The following NDRG1 variants were observed in gnomAD, a reference collection of about 807,000 sequenced individuals.
NDRG1 encodes the protein protein NDRG1.
NDRG1 carries 32 observed loss-of-function variants against 56.9 expected under a neutral mutation model. The ratio of observed to expected loss-of-function variants is 0.56; its 90% CI spans 0.42 to 0.76. The LOEUF is 0.76. Among genes scored for constraint, NDRG1 ranks in the 30% least tolerant of loss-of-function variants. The pLI, the probability that NDRG1 is intolerant of heterozygous loss-of-function variation, is 0.00. For missense variants in NDRG1, 507 were observed against 545.7 expected, an observed-to-expected ratio of 0.93 and a Z score of 0.71; for synonymous variants, 211 against 204.1, an observed-to-expected ratio of 1.03 and a Z score of -0.29.
intron 3 of NDRG1, among the ~76,000 whole-genome samples, chr8:133,266,577 C>T (rs1391827970): frequency 6.6e-6 from 1 of 152,202 alleles, no homozygotes; most frequent in African/African-American, 2.4e-5. Context: ...ATGTAGGCTG[C>T]TCCATCTGTG....
chr8:133,257,333 T>C (rs1435299071), intron 7 of NDRG1, among the ~76,000 whole-genome samples: 1 of 134,850 alleles, frequency 7.4e-6, no homozygotes, highest in African/African-American at 2.7e-5. Context: ...AGAGACAGAG[T>C]TATGCATCGC....
rs1855211711 is a variant in NDRG1, at chr8:133,238,890, C to T, written c.1173G>A (p.Glu391=). Residue 391 remains glutamate (E), a synonymous_variant, in exon 16 of 16, where the codon GAG becomes GAA. Coordinates refer to ENST00000323851, the MANE Select transcript of NDRG1 (RefSeq NM_006096.4). Reference sequence around the variant, plus strand: ...CTGGGCAGGCCGCCTAGCAGGAGACCTCCATGGACTTGGGCCCGGCGCTGT... The same window carrying T: ...CTGGGCAGGCCGCCTAGCAGGAGACTTCCATGGACTTGGGCCCGGCGCTGT... ...AGNSAGPKSM[E]VSC is the part of the protein sequence containing the mutation. The T allele has an allele frequency of 3.2e-6, 5 of 1,555,286 alleles. No homozygotes were observed. The African/African-American group carries it at 5.4e-5, about 17-fold the overall frequency.
chr8:133,295,064 C>T (rs1173250373), intron 1 of NDRG1, among the ~76,000 whole-genome samples: 1 of 152,138 alleles, frequency 6.6e-6, no homozygotes, highest in Non-Finnish European at 1.5e-5. Context: ...TATTCCATTC[C>T]AAATGATCAA....
chr8:133,237,734 G>A lies in NDRG1; in HGVS notation c.*1144C>T, dbSNP rs1250853366. On this transcript the variant is annotated 3_prime_UTR_variant, in exon 16 of 16. Transcript: ENST00000323851. ...AGAGCAAAGAGTTCTGAGGATCCAA[G>A]AACGTGACCGGGTCAGACAGGTTCA... 1 of 160,028 alleles carries A rather than the reference G, an allele frequency of 6.2e-6. No homozygotes were observed. The highest frequency in any genetic ancestry group is 1.0e-4 in the East Asian group (1 of 9,708). The allele number at this position is 160,028 out of a possible 1,614,324, so 9.9% of individuals were successfully genotyped here. A position where few individuals can be genotyped will look rare whatever the true frequency, so the allele number is the denominator to read the frequency against.
chr8:133,273,798 C>T (rs964507765), intron 3 of NDRG1, among the ~76,000 whole-genome samples: 2 of 152,202 alleles, frequency 1.3e-5, no homozygotes, highest in African/African-American at 2.4e-5. Context: ...TCCTCCTCTT[C>T]CCTCCCCCAG....
rs112989301 is a variant in NDRG1 at position 133,262,178 on chromosome 8, G to T, written c.206-11C>A. On this transcript the variant is annotated splice_polypyrimidine_tract_variant and intron_variant, in intron 4 of 15. Coordinates refer to ENST00000323851, the MANE Select transcript of NDRG1 (RefSeq NM_006096.4). ...TGTAGCAGGTTTTGTCTGAAGAACAGCAGTGAGGGAGAGAAGAGAAAAAAG... is the reference window on the plus strand; with the variant it reads ...TGTAGCAGGTTTTGTCTGAAGAACATCAGTGAGGGAGAGAAGAGAAAAAAG... The T allele has an allele frequency of 3.1e-6, 5 of 1,614,034 alleles. No homozygotes were observed. In the African/African-American group the frequency reaches 4.0e-5, roughly 13 times the overall value.
chr8:133,293,536 C>G (rs1858550784), intron 1 of NDRG1, among the ~76,000 whole-genome samples: 2 of 152,192 alleles, frequency 1.3e-5, no homozygotes, highest in South Asian at 4.1e-4. Flanking sequence ...CCTCAGTTAG[C>G]TGATGTGATG....
In NDRG1 at chr8:133,238,416, A is replaced by G. The variant is rs950684145; in HGVS notation, c.*462T>C. Reference sequence around the variant, plus strand: ...ATGTCACTATTACCCCCCTCCCCAAATGAGAAAAGGATTTTGTTTCCGGAA... The same window carrying G: ...ATGTCACTATTACCCCCCTCCCCAAGTGAGAAAAGGATTTTGTTTCCGGAA... On this transcript the variant is annotated 3_prime_UTR_variant, in exon 16 of 16. Coordinates refer to ENST00000323851, the MANE Select transcript of NDRG1 (RefSeq NM_006096.4). The G allele has an allele frequency of 4.1e-6, 1 of 246,384 alleles. No individual in the cohort carries two copies. The highest frequency in any genetic ancestry group is 6.0e-5 in the East Asian group (1 of 16,754). 15.3% of individuals were successfully genotyped at this position (246,384 alleles called of 1,614,324 possible). A position where few individuals can be genotyped will look rare whatever the true frequency, so the allele number is the denominator to read the frequency against.
intron 1 of NDRG1, among the ~76,000 whole-genome samples, chr8:133,294,009 G>A (rs1586508025): frequency 6.6e-6 from 1 of 152,162 alleles, no homozygotes; most frequent in African/African-American, 2.4e-5. Flanking sequence ...ACACCTACAC[G>A]CTGTTTTCCA....
rs1855384235 is a variant in NDRG1 at position 133,241,593 on chromosome 8, G to A, written c.943+430C>T. 1.1e-5 allele frequency: 3 copies of A among 273,928 alleles called. No homozygotes were observed. In the Admixed American group the frequency reaches 1.5e-4, roughly 14 times the overall value. The allele number at this position is 273,928 out of a possible 1,614,324, so 17.0% of individuals were successfully genotyped here. A position where few individuals can be genotyped will look rare whatever the true frequency, so the allele number is the denominator to read the frequency against. The stretch of plus-strand genomic sequence containing the variant: ...TAAGATGGGCTAAGAATATGTCAAA[G>A]GAGTACTGTGATGGTTCAGTGAGAT... On this transcript the variant is annotated intron_variant, in intron 15 of 15. Transcript: ENST00000323851.
intron 1 of NDRG1, among the ~76,000 whole-genome samples, chr8:133,294,671 T>TG (rs113471703): frequency 0.12 from 16,633 of 143,590 alleles, 1,174 homozygotes; most frequent in African/African-American, 0.21. Context: ...TCTTCTGTCA[T>TG]GGGGGGGGGG....
rs58312135 is a variant in NDRG1, at chr8:133,257,282, TAC to T, written c.451-421_451-420del. ...CTTACTTCCAGGATAAACACATGCA[TAC>T]ACACACACACACACACACACACACA... On this transcript the variant is annotated intron_variant, in intron 7 of 15. Transcript: ENST00000323851. 4.3e-3 allele frequency among the ~76,000 whole-genome samples: 637 copies of T among 146,570 alleles called. 5 individuals are homozygous for T. The highest frequency in any genetic ancestry group is 0.028 in the Middle Eastern group (8 of 290).
intron 3 of NDRG1, among the ~76,000 whole-genome samples, chr8:133,267,358 G>A (rs2976574): frequency 0.86 from 130,964 of 152,142 alleles, 56,561 homozygotes; most frequent in East Asian, 1. Flanking sequence ...CACTGTACAG[G>A]GCCAGGCCCA....
chr8:133,255,366 A>G (rs1856312789), intron 8 of NDRG1: 1 of 456,212 alleles, frequency 2.2e-6, no homozygotes. Context: ...TGCACACATC[A>G]CAGTATCTAA....
intron 3 of NDRG1, among the ~76,000 whole-genome samples, chr8:133,268,992 A>G (rs1219281637): frequency 6.6e-6 from 1 of 152,186 alleles, no homozygotes; most frequent in African/African-American, 2.4e-5. Context: ...TCACAAACAC[A>G]GGCCTTTGTC....
chr8:133,249,670 C>T (rs986269661), intron 10 of NDRG1, among the ~76,000 whole-genome samples: 1 of 152,150 alleles, frequency 6.6e-6, no homozygotes, highest in African/African-American at 2.4e-5. Flanking sequence ...CTAAGTGAAC[C>T]GCACTGCCAG....
chr8:133,255,738 C>A, intron 8 of NDRG1: 1 of 174,116 alleles, frequency 5.7e-6, no homozygotes, highest in Non-Finnish European at 1.2e-5. Flanking sequence ...AGGCAGGGCC[C>A]CTTCAAACCA....
intron 3 of NDRG1, among the ~76,000 whole-genome samples, chr8:133,274,763 T>A (rs1470247376): frequency 6.6e-6 from 1 of 152,198 alleles, no homozygotes; most frequent in Non-Finnish European, 1.5e-5. Flanking sequence ...GGAACAGGGC[T>A]ATACTCAAGC....
chr8:133,274,580 T>A (rs939430591), intron 3 of NDRG1, among the ~76,000 whole-genome samples: 55 of 152,184 alleles, frequency 3.6e-4, no homozygotes, highest in Admixed American at 9.8e-4. Context: ...ATAAAATTCA[T>A]TTGCCATTAA....
Sources: gnomAD v4.1 joint callset for allele counts (sites outside exome capture counted in the v4.1 genomes callset) on GRCh38, gnomAD v4.1.1 for gene constraint, MANE v1.5 for transcripts, NCBI Gene and HGNC (gene_info 2026-07-23, HGNC 2026-07-21) for gene names.